CLIP2: variants seen among roughly 807,000 people sequenced by gnomAD.
The protein encoded by CLIP2 is CAP-Gly domain-containing linker protein 2.
CLIP2 carries 41 observed loss-of-function variants against 111.7 expected under a neutral mutation model. The ratio of observed to expected loss-of-function variants is 0.37; its 90% CI spans 0.29 to 0.48. The LOEUF is 0.48. Among genes scored for constraint, CLIP2 ranks in the 20% least tolerant of loss-of-function variants. The probability of loss-of-function intolerance (pLI) is 0.99; values close to 1 mark genes in which losing one functional copy is unlikely to be tolerated. For missense variants in CLIP2, 1,160 were observed against 1,422.1 expected, an observed-to-expected ratio of 0.82 and a Z score of 2.96; for synonymous variants, 660 against 644.2, an observed-to-expected ratio of 1.02 and a Z score of -0.37.
intron 2 of CLIP2, among the ~76,000 whole-genome samples, chr7:74,330,858 T>C (rs138483424): frequency 2.5e-3 from 375 of 152,250 alleles, no homozygotes; most frequent in African/African-American, 8.8e-3. Flanking sequence ...ATTATTTCCT[T>C]GGGAAATAGA....
chr7:74,357,578 T>C, intron 6 of CLIP2, 101 bp downstream of exon 6: 2 of 1,058,184 alleles, frequency 1.9e-6, no homozygotes, highest in Non-Finnish European at 2.8e-6. Flanking sequence ...TGCAGAGAAA[T>C]ATGAAGATAA....
intron 2 of CLIP2, among the ~76,000 whole-genome samples, chr7:74,335,232 G>A (rs540253592): frequency 6.9e-6 from 1 of 145,920 alleles, no homozygotes; most frequent in South Asian, 2.2e-4. Flanking sequence ...GATTGCACAA[G>A]TGTACTCCAG....
chr7:74,391,700 G>C (rs184988856), intron 13 of CLIP2, among the ~76,000 whole-genome samples: 1 of 151,600 alleles, frequency 6.6e-6, no homozygotes, highest in Non-Finnish European at 1.5e-5. Flanking sequence ...CACACCTGTA[G>C]TCCCAGCTAC....
chr7:74,343,327 C>T (rs573869021), intron 3 of CLIP2, among the ~76,000 whole-genome samples: 1 of 152,236 alleles, frequency 6.6e-6, no homozygotes, highest in South Asian at 2.1e-4. Flanking sequence ...TCCTGTGGCT[C>T]CCAGGAAAGC....
chr7:74,365,045 GTGTGTGA>G (rs1790441927), intron 8 of CLIP2, among the ~76,000 whole-genome samples: 1 of 125,266 alleles, frequency 8.0e-6, no homozygotes, highest in East Asian at 2.5e-4. Context: ...GTGTGTGTGT[GTGTGTGA>G]CTGTCTCAAA....
chr7:74,375,779 C>G (rs1554312642), intron 9 of CLIP2, 108 bp from the exon 10 acceptor site: 9 of 890,242 alleles, frequency 1.0e-5, no homozygotes, highest in Non-Finnish European at 1.5e-5. Flanking sequence ...CCTGCTGGGG[C>G]TGGTGCCCTC....
intron 1 of CLIP2, among the ~76,000 whole-genome samples, chr7:74,306,673 AGGG>A (rs1788498914): frequency 6.6e-6 from 1 of 152,096 alleles, no homozygotes; most frequent in South Asian, 2.1e-4. Flanking sequence ...GTGGCACAAA[AGGG>A]GGACTGTTGG....
At position 74,326,397 on chromosome 7, in the gene CLIP2, G is replaced by T. The variant is rs551780229; in HGVS notation, c.121+8730G>T. ...GTCCAGTATCAGCCCCACACATTTG[G>T]CTCATGCCCCAGACAGGTGGATGGG... On this transcript the variant is annotated intron_variant, in intron 2 of 16. Coordinates refer to ENST00000223398, the MANE Select transcript of CLIP2 (RefSeq NM_003388.5). Among the ~76,000 whole-genome samples, 25 of 152,308 alleles carry T rather than the reference G, an allele frequency of 1.6e-4. No homozygotes were observed. In the South Asian group the frequency reaches 5.2e-3, roughly 32 times the overall value.
intron 2 of CLIP2, among the ~76,000 whole-genome samples, chr7:74,328,162 G>A (rs975236716): frequency 6.6e-6 from 1 of 152,070 alleles, no homozygotes; most frequent in African/African-American, 2.4e-5. Flanking sequence ...ATGTAGACTC[G>A]GTCCTCCCTG....
rs561751109 is a variant in CLIP2 at position 74,328,411 on chromosome 7, C to T, written c.122-10037C>T. On this transcript the variant is annotated intron_variant, in intron 2 of 16. Transcript: ENST00000223398. ...CAGGAAGCGGGAGTCAGGTGTGTGG[C>T]CCGTCTGCATTTCAGCCCAGGGGGT... 2.0e-5 allele frequency among the ~76,000 whole-genome samples: 3 copies of T among 152,244 alleles called. 1 individual carries two copies. The South Asian group carries it at 6.2e-4, about 32-fold the overall frequency.
chr7:74,343,713 C>A (rs2116573053), intron 3 of CLIP2, among the ~76,000 whole-genome samples: 1 of 146,074 alleles, frequency 6.8e-6, no homozygotes, highest in Middle Eastern at 3.5e-3. Context: ...GGCAACATAG[C>A]AAGACCCCGT....
chr7:74,313,186 G>A (rs879994842), intron 1 of CLIP2, among the ~76,000 whole-genome samples: 1 of 151,860 alleles, frequency 6.6e-6, no homozygotes, highest in Non-Finnish European at 1.5e-5. Flanking sequence ...GGCAGGGGAT[G>A]GTGGTGGTGG....
chr7:74,394,398 G>A (rs566278088), intron 13 of CLIP2, among the ~76,000 whole-genome samples: 2 of 152,088 alleles, frequency 1.3e-5, no homozygotes, highest in Non-Finnish European at 2.9e-5. Flanking sequence ...TTACAGGCAT[G>A]CGCCACCATG....
chr7:74,353,405 C>A (rs1310658233), intron 3 of CLIP2, among the ~76,000 whole-genome samples: 1 of 152,048 alleles, frequency 6.6e-6, no homozygotes, highest in Non-Finnish European at 1.5e-5. Context: ...TGCCCACCAC[C>A]AGGCCCGGCT....
intron 7 of CLIP2, among the ~76,000 whole-genome samples, chr7:74,361,281 G>A (rs573591598): frequency 2.0e-5 from 3 of 147,304 alleles, no homozygotes; most frequent in Admixed American, 6.9e-5. Flanking sequence ...ACAATGGTGC[G>A]ATCTCGGCTC....
Position 74,338,590 on chromosome 7 carries a change from C to T in CLIP2, c.264C>T (p.Asn88=), listed in dbSNP as rs554341269. ...DFVVGERVWV[N]GVKPGVVQYL... The stretch of plus-strand genomic sequence containing the variant: ...TGGTGGGCGAGCGGGTGTGGGTGAA[C>T]GGCGTGAAGCCAGGCGTGGTGCAGT... The change falls in exon 3 of 17, where the codon AAC becomes AAT. Residue 88 remains asparagine (N), a synonymous_variant. Transcript: ENST00000223398. This position sits in a 1 kb window ranked among gnomAD's most constrained non-coding sequence, Gnocchi z 4.3. 9.5e-6 allele frequency: 15 copies of T among 1,571,416 alleles called. No homozygotes were observed. The highest frequency in any genetic ancestry group is 2.4e-5 in the East Asian group (1 of 42,088).
rs373668907 is a variant in CLIP2, at chr7:74,351,010, A to AAG, written c.679-2868_679-2867dup. Among the ~76,000 whole-genome samples the AAG allele has an allele frequency of 1.0e-4, 15 of 143,474 alleles. No homozygotes were observed. In the East Asian group the frequency reaches 1.4e-3, roughly 14 times the overall value. The allele number at this position is 143,474 out of a possible 152,430, so 94.1% of individuals were successfully genotyped here. ...AAGGAAGAGAAGAAGGAGAGAAAGA[A>AAG]AGAAGGAAGGAAAGGGAAGAGAAGG... On this transcript the variant is annotated intron_variant, in intron 3 of 16. Coordinates refer to ENST00000223398, the MANE Select transcript of CLIP2 (RefSeq NM_003388.5).
At chr7:74,327,890 T>C (rs1554730837) in intron 2 of CLIP2, among the ~76,000 whole-genome samples, 1 of 152,194 alleles carries the variant, frequency 6.6e-6, no homozygotes, top group African/African-American at 2.4e-5. Flanking sequence ...TCCGGGCCGC[T>C]CTTGCCCTGG....
At chr7:74,371,517 G>A (rs989433435) in intron 8 of CLIP2, among the ~76,000 whole-genome samples, 2 of 150,718 alleles carry the variant, frequency 1.3e-5, no homozygotes, top group Non-Finnish European at 3.0e-5. Context: ...GGAGGGAGGC[G>A]GGGGAGGGAG....
Sources: gnomAD v4.1 joint callset for allele counts (sites outside exome capture counted in the v4.1 genomes callset) on GRCh38, gnomAD v4.1.1 for gene constraint, Gnocchi (gnomAD v3.1) non-coding constraint, MANE v1.5 for transcripts, NCBI Gene and HGNC (gene_info 2026-07-23, HGNC 2026-07-21) for gene names.